Variants in LGR4 observed in about 807,000 individuals in gnomAD.
LGR4 encodes leucine rich repeat containing G protein-coupled receptor 4.
In LGR4, 44 loss-of-function variants were observed where a neutral mutation model predicts 84.8. The ratio of observed to expected loss-of-function variants is 0.52; its 90% CI spans 0.41 to 0.67. LGR4 has a LOEUF of 0.67. LGR4 is among the 30% of genes least tolerant of loss of function. The probability of loss-of-function intolerance (pLI) is 0.00; values close to 1 mark genes in which losing one functional copy is unlikely to be tolerated. For missense variants in LGR4, 1,032 were observed against 1,131.4 expected (o/e 0.91, Z 1.26); for synonymous variants, 429 against 434.3 (o/e 0.99, Z 0.15).
intron 3 of LGR4, 117 bp from the exon 4 acceptor site, chr11:27,391,282 G>A (rs1253637626): frequency 1.4e-5 from 8 of 574,732 alleles, no homozygotes; most frequent in South Asian, 4.6e-5. Flanking sequence ...AAAATGGGGG[G>A]GAGGTGGAGG....
rs1361910208 is a variant in LGR4, at chr11:27,472,365, GT to G, written c.-64del. ...GCTGCTCGCTCCGCTGCCCTCCGAT[GT>G]CCCCCGCCGCCCCCGGGCAGCCGGC... On this transcript the variant is annotated 5_prime_UTR_variant, in exon 1 of 18. Coordinates refer to ENST00000379214, the MANE Select transcript of LGR4 (RefSeq NM_018490.5). The G allele has an allele frequency of 8.7e-7, 1 of 1,149,452 alleles. No homozygotes were observed. Among genetic ancestry groups the G allele is most frequent in the African/African-American group, 1.6e-5 (1 of 61,900 alleles). 71.2% of individuals were successfully genotyped at this position (1,149,452 alleles called of 1,614,324 possible). A position where few individuals can be genotyped will look rare whatever the true frequency, so the allele number is the denominator to read the frequency against.
At chr11:27,399,541 G>A (rs1863457802) in intron 2 of LGR4, among the ~76,000 whole-genome samples, 1 of 150,212 alleles carries the variant, frequency 6.7e-6, no homozygotes, top group Non-Finnish European at 1.5e-5. Flanking sequence ...TTGAGATGGA[G>A]TGGAGTCTCG....
intron 1 of LGR4, among the ~76,000 whole-genome samples, chr11:27,430,939 CACCT>C (rs1345670279): frequency 2.6e-5 from 4 of 151,894 alleles, no homozygotes; most frequent in African/African-American, 9.7e-5. Context: ...CTCCTCCTTC[CACCT>C]TTGCACTTGT....
chr11:27,375,244 G>A (rs1266466425), intron 13 of LGR4, among the ~76,000 whole-genome samples: 1 of 148,990 alleles, frequency 6.7e-6, no homozygotes, highest in Non-Finnish European at 1.5e-5. Flanking sequence ...GCAGTGAGCT[G>A]TGATTACACC....
intron 1 of LGR4, among the ~76,000 whole-genome samples, chr11:27,426,493 T>TC (rs1457532032): frequency 6.6e-6 from 1 of 152,072 alleles, no homozygotes; most frequent in Non-Finnish European, 1.5e-5. Context: ...GTTAACAATT[T>TC]CCCCAAGCCA....
intron 1 of LGR4, chr11:27,471,890 A>G: frequency 3.0e-6 from 1 of 338,464 alleles, no homozygotes; most frequent in Non-Finnish European, 5.3e-6. Flanking sequence ...AAAGTCTGGG[A>G]ACGAAAGCTA....
rs1862773913 is a variant in LGR4 at position 27,366,866 on chromosome 11, A to T, written c.*1001T>A. ...TTCAAGATAATCCAGCTCACTAAGA[A>T]ATAAACATAAGTACTTCGTGTCATA... On this transcript the variant is annotated 3_prime_UTR_variant, in exon 18 of 18. Transcript: ENST00000379214. 2 of 152,292 alleles carry T rather than the reference A, an allele frequency of 1.3e-5. No individual in the cohort carries two copies. Among genetic ancestry groups the T allele is most frequent in the South Asian group, 4.1e-4 (2 of 4,824 alleles). 9.4% of individuals were successfully genotyped at this position (152,292 alleles called of 1,614,324 possible). A position where few individuals can be genotyped will look rare whatever the true frequency, so the allele number is the denominator to read the frequency against.
Position 27,371,616 on chromosome 11 carries a change from T to G in LGR4, c.1578A>C (p.Thr526=). 6.2e-7 allele frequency: 1 copy of G among 1,607,016 alleles called. No individual in the cohort carries two copies. Among genetic ancestry groups the G allele is most frequent in the Non-Finnish European group, 8.5e-7 (1 of 1,174,908 alleles). ...TGTGAAAAAATAGGCCAGGCATACC[T>G]GTTGAAGGTGTACAATGGATAATTA... ...SQIIIHCTPS[T]GAFKPCEYLL... Residue 526 remains threonine, a splice_region_variant and synonymous_variant, in exon 17 of 18, where the codon ACA becomes ACC. Transcript: ENST00000379214.
chr11:27,403,717 T>C (rs1183786022), intron 2 of LGR4, among the ~76,000 whole-genome samples: 4 of 152,216 alleles, frequency 2.6e-5, no homozygotes, highest in South Asian at 2.1e-4. Flanking sequence ...TATCTCTCCA[T>C]AGTAGGATAA....
Position 27,373,995 on chromosome 11 carries a change from T to C in LGR4, c.1233A>G (p.Thr411=). 1 of 1,611,656 alleles carries C rather than the reference T, an allele frequency of 6.2e-7. No homozygotes were observed. The highest frequency in any genetic ancestry group is 8.5e-7 in the Non-Finnish European group (1 of 1,177,852). The change falls in exon 14 of 18, where the codon ACA becomes ACG. Residue 411 remains threonine (T), a synonymous_variant. Coordinates refer to ENST00000379214, the MANE Select transcript of LGR4 (RefSeq NM_018490.5). ...IHEIHSRAFA[T]LGPITNLDVS... is the part of the protein sequence containing the mutation. ...CTTACAGGTTAGTTATTGGCCCAAG[T>C]GTGGCAAAAGCTCTACTGTGAATTT...
At chr11:27,406,051 G>A (rs1037614197) in intron 2 of LGR4, among the ~76,000 whole-genome samples, 6 of 151,984 alleles carry the variant, frequency 3.9e-5, no homozygotes, top group African/African-American at 1.2e-4. Flanking sequence ...ATTCAAAATT[G>A]CAACCAAACC....
chr11:27,366,885 T>C lies in LGR4; in HGVS notation c.*982A>G, dbSNP rs1862774303. The stretch of plus-strand genomic sequence containing the variant: ...CTAAGAAATAAACATAAGTACTTCG[T>C]GTCATAATTACTCCCCGTTTCGTCT... On this transcript the variant is annotated 3_prime_UTR_variant, in exon 18 of 18. Coordinates refer to ENST00000379214, the MANE Select transcript of LGR4 (RefSeq NM_018490.5). 1 of 152,144 alleles carries C rather than the reference T, an allele frequency of 6.6e-6. No homozygotes were observed. The highest frequency in any genetic ancestry group is 1.5e-5 in the Non-Finnish European group (1 of 67,990). The allele number at this position is 152,144 out of a possible 1,614,324, so 9.4% of individuals were successfully genotyped here.
intron 2 of LGR4, among the ~76,000 whole-genome samples, chr11:27,407,754 T>C (rs550455129): frequency 1.3e-5 from 2 of 152,134 alleles, no homozygotes; most frequent in African/African-American, 4.8e-5. Context: ...ATAACATATA[T>C]CAAAGCTAGT....
chr11:27,414,116 G>A (rs1863765469), intron 1 of LGR4, among the ~76,000 whole-genome samples: 1 of 151,952 alleles, frequency 6.6e-6, no homozygotes, highest in South Asian at 2.1e-4. Context: ...TTACAAATGG[G>A]GAAACTGAGG....
intron 4 of LGR4, among the ~76,000 whole-genome samples, chr11:27,389,430 G>T (rs1389570775): frequency 6.6e-6 from 1 of 152,050 alleles, no homozygotes; most frequent in Non-Finnish European, 1.5e-5. Flanking sequence ...AAACATGAAA[G>T]AGAAACCTAT....
intron 2 of LGR4, among the ~76,000 whole-genome samples, chr11:27,394,284 G>A (rs1863344965): frequency 6.6e-6 from 1 of 152,158 alleles, no homozygotes; most frequent in Non-Finnish European, 1.5e-5. Flanking sequence ...ACAAGAGACC[G>A]AAGAAGATGG....
chr11:27,386,824 T>C (rs977009725), intron 4 of LGR4, among the ~76,000 whole-genome samples: 4 of 152,354 alleles, frequency 2.6e-5, no homozygotes, highest in African/African-American at 9.6e-5. Context: ...GCTTAGGATA[T>C]TGAGCGGCTG....
intron 1 of LGR4, 131 bp downstream of exon 1, chr11:27,471,987 G>T: frequency 1.8e-6 from 1 of 562,180 alleles, no homozygotes; most frequent in Non-Finnish European, 2.6e-6. Flanking sequence ...GGTGACCGGC[G>T]GACCCCCTCC....
chr11:27,382,071 T>C (rs898495537), intron 7 of LGR4, 117 bp downstream of exon 7: 8 of 679,074 alleles, frequency 1.2e-5, no homozygotes, highest in Middle Eastern at 2.5e-4. Context: ...TGTGTGTTTG[T>C]GTGCATGTAT....
Sources: gnomAD v4.1 joint callset for allele counts (sites outside exome capture counted in the v4.1 genomes callset) on GRCh38, gnomAD v4.1.1 for gene constraint, MANE v1.5 for transcripts, NCBI Gene and HGNC (gene_info 2026-07-23, HGNC 2026-07-21) for gene names.